The following MARCHF5 variants were observed in gnomAD, a reference collection of about 807,000 sequenced individuals.
MARCHF5 encodes the protein membrane associated ring-CH-type finger 5, also known as E3 ubiquitin-protein ligase MARCHF5.
MARCHF5 carries 5 observed loss-of-function variants against 36.5 expected under a neutral mutation model. The observed-to-expected ratio is 0.14, with a 90% CI of 0.07 to 0.29. MARCHF5 has a LOEUF of 0.29. MARCHF5 is among the 10% of genes least tolerant of loss of function. The probability of loss-of-function intolerance (pLI) is 1.00; values close to 1 mark genes in which losing one functional copy is unlikely to be tolerated. For synonymous variants in MARCHF5, 103 were observed against 109.9 expected, an observed-to-expected ratio of 0.94 and a Z score of 0.39; for missense variants, 179 against 336.3, an observed-to-expected ratio of 0.53 and a Z score of 3.66.
At chr10:92,324,543 T>C (rs1429977368) in intron 2 of MARCHF5, among the ~76,000 whole-genome samples, 1 of 152,126 alleles carries the variant, frequency 6.6e-6, no homozygotes, top group Non-Finnish European at 1.5e-5. Flanking sequence ...TTTGTATTTT[T>C]AGTAGAGACA....
chr10:92,325,307 C>T (rs1457677420), intron 2 of MARCHF5, among the ~76,000 whole-genome samples: 4 of 152,228 alleles, frequency 2.6e-5, no homozygotes, highest in Non-Finnish European at 5.9e-5. Flanking sequence ...TGCACTGCTG[C>T]ACTCCAGCCT....
chr10:92,291,640 C>T, intron 1 of MARCHF5, 111 bp downstream of exon 1: 1 of 1,412,230 alleles, frequency 7.1e-7, no homozygotes, highest in South Asian at 1.5e-5. Context: ...GGAGGAGTTC[C>T]ACGGCCAGGG....
At chr10:92,317,626 C>T (rs189720198) in intron 2 of MARCHF5, among the ~76,000 whole-genome samples, 1 of 152,124 alleles carries the variant, frequency 6.6e-6, no homozygotes, top group African/African-American at 2.4e-5. Context: ...ACCTTGTATC[C>T]TGTGACCTTG....
At chr10:92,301,824 T>TGA (rs1843015866) in intron 1 of MARCHF5, among the ~76,000 whole-genome samples, 1 of 152,172 alleles carries the variant, frequency 6.6e-6, no homozygotes, top group Non-Finnish European at 1.5e-5. Context: ...TTTGGGAGCC[T>TGA]GAGGCAGGCG....
At chr10:92,292,444 G>A (rs1217793755) in intron 1 of MARCHF5, among the ~76,000 whole-genome samples, 3 of 152,132 alleles carry the variant, frequency 2.0e-5, no homozygotes, top group Non-Finnish European at 4.4e-5. Context: ...TCAGCAGGTG[G>A]TACCAACTCT....
intron 2 of MARCHF5, among the ~76,000 whole-genome samples, chr10:92,316,593 T>G (rs1338317851): frequency 6.6e-6 from 1 of 152,184 alleles, no homozygotes. Flanking sequence ...GACAGTGTTT[T>G]GCTTTGTTGC....
chr10:92,329,550 T>A (rs987680639), intron 2 of MARCHF5, among the ~76,000 whole-genome samples: 7 of 152,346 alleles, frequency 4.6e-5, no homozygotes, highest in South Asian at 2.1e-4. Flanking sequence ...CATGGCCTTC[T>A]GTCACTCACA....
At chr10:92,307,210 T>TGC (rs1199718839) in intron 1 of MARCHF5, among the ~76,000 whole-genome samples, 3 of 67,298 alleles carry the variant, frequency 4.5e-5, no homozygotes, top group Non-Finnish European at 9.7e-5. Flanking sequence ...TGTGTGTGTG[T>TGC]GTGCGCGTGC....
At chr10:92,292,045 C>G (rs1432231363) in intron 1 of MARCHF5, among the ~76,000 whole-genome samples, 21 of 151,240 alleles carry the variant, frequency 1.4e-4, no homozygotes, top group Admixed American at 1.3e-3. Context: ...ATCCCGTCCC[C>G]ACCTCCGAAC....
rs910800487 is a variant in MARCHF5 at position 92,353,182 on chromosome 10, T to C, written c.*1975T>C. The C allele has an allele frequency of 6.6e-6, 1 of 152,064 alleles. No homozygotes were observed. The highest frequency in any genetic ancestry group is 2.1e-4 in the South Asian group (1 of 4,816). The allele number at this position is 152,064 out of a possible 1,614,324, so 9.4% of individuals were successfully genotyped here. On this transcript the variant is annotated 3_prime_UTR_variant, in exon 6 of 6. Coordinates refer to ENST00000358935, the MANE Select transcript of MARCHF5 (RefSeq NM_017824.5). The stretch of plus-strand genomic sequence containing the variant: ...AACTGCAAGTGCCTGAGGACCAGAG[T>C]GGCCTCTAGCCCCGAATTGAACACT...
intron 5 of MARCHF5, chr10:92,350,433 G>A (rs750676406): frequency 6.6e-6 from 1 of 152,622 alleles, no homozygotes; most frequent in Non-Finnish European, 1.5e-5. Context: ...GCCTCTAGTG[G>A]ACAAGGGCCC....
At chr10:92,298,610 C>T (rs973730078) in intron 1 of MARCHF5, among the ~76,000 whole-genome samples, 2 of 152,136 alleles carry the variant, frequency 1.3e-5, no homozygotes, top group East Asian at 1.9e-4. Context: ...CTGGCTCTGT[C>T]GCCCAGGCTG....
At chr10:92,297,183 T>G (rs1479355106) in intron 1 of MARCHF5, among the ~76,000 whole-genome samples, 2 of 151,322 alleles carry the variant, frequency 1.3e-5, no homozygotes, top group African/African-American at 2.4e-5. Flanking sequence ...TTTTTTTTTT[T>G]TGAGTCAGGG....
intron 3 of MARCHF5, among the ~76,000 whole-genome samples, chr10:92,348,778 C>T (rs2135222272): frequency 6.6e-6 from 1 of 152,242 alleles, no homozygotes. Flanking sequence ...CAATTCTAGA[C>T]CTTGGAAGTG....
intron 2 of MARCHF5, among the ~76,000 whole-genome samples, chr10:92,318,252 C>G (rs758510814): frequency 6.6e-6 from 1 of 151,474 alleles, no homozygotes; most frequent in South Asian, 2.1e-4. Flanking sequence ...CATAGCAAAA[C>G]TCCATCTCTA....
rs146994895 is a variant in MARCHF5 at position 92,337,962 on chromosome 10, C to G, written c.239-2711C>G. 2.2e-3 allele frequency among the ~76,000 whole-genome samples: 338 copies of G among 150,522 alleles called. 1 individual carries two copies. Among genetic ancestry groups the G allele is most frequent in the African/African-American group, 8.0e-3 (327 of 40,900 alleles). On this transcript the variant is annotated intron_variant, in intron 2 of 5. Transcript: ENST00000358935. ...ACTGAAGTGGGAGGATTGCTTGAGC[C>G]TAGGAGTTCCAGACCAGCCTGGGCA...
intron 2 of MARCHF5, among the ~76,000 whole-genome samples, chr10:92,328,954 G>T (rs112686217): frequency 9.9e-5 from 15 of 151,796 alleles, no homozygotes; most frequent in African/African-American, 3.4e-4. Context: ...TTATCAGCCT[G>T]ATCCATTCAG....
At chr10:92,310,116 C>G (rs948740958) in intron 1 of MARCHF5, among the ~76,000 whole-genome samples, 7 of 152,080 alleles carry the variant, frequency 4.6e-5, no homozygotes, top group Non-Finnish European at 8.8e-5. Flanking sequence ...ACTGGAGAAC[C>G]TCACCCATCT....
chr10:92,304,180 T>C (rs915017195), intron 1 of MARCHF5, among the ~76,000 whole-genome samples: 1 of 152,244 alleles, frequency 6.6e-6, no homozygotes, highest in African/African-American at 2.4e-5. Context: ...GTAGAATTGC[T>C]TTATGTGCTA....
Sources: gnomAD v4.1 joint callset for allele counts (sites outside exome capture counted in the v4.1 genomes callset) on GRCh38, gnomAD v4.1.1 for gene constraint, MANE v1.5 for transcripts, NCBI Gene and HGNC (gene_info 2026-07-23, HGNC 2026-07-21) for gene names.